Variants in CLDN10 observed in about 807,000 individuals in gnomAD.
CLDN10 encodes the protein claudin 10.
CLDN10 carries 15 observed loss-of-function variants against 22.9 expected under a neutral mutation model. That is an observed-to-expected ratio of 0.65 (90% CI 0.44 to 1.01). The LOEUF (loss-of-function observed/expected upper bound fraction) is 1.01, where lower values mean the gene tolerates loss of function less well. Among genes scored for constraint, CLDN10 ranks in the 50% least tolerant of loss-of-function variants. CLDN10 has a pLI of 0.00. For synonymous variants in CLDN10, 114 were observed against 111.4 expected, an observed-to-expected ratio of 1.02 and a Z score of -0.15; for missense variants, 247 against 287.8, an observed-to-expected ratio of 0.86 and a Z score of 1.03.
At chr13:95,437,450 A>G (rs554809744) in intron 1 of CLDN10, among the ~76,000 whole-genome samples, 1 of 152,298 alleles carries the variant, frequency 6.6e-6, no homozygotes, top group Non-Finnish European at 1.5e-5. Flanking sequence ...TTTCACTATG[A>G]AAGTAAAGCA....
At chr13:95,509,895 A>G (rs1336610028) in intron 1 of CLDN10, among the ~76,000 whole-genome samples, 1 of 152,224 alleles carries the variant, frequency 6.6e-6, no homozygotes, top group African/African-American at 2.4e-5. Context: ...CTGACTGTAA[A>G]ATGCACAGCT....
intron 1 of CLDN10, among the ~76,000 whole-genome samples, chr13:95,512,678 C>T (rs1424262783): frequency 1.3e-5 from 2 of 152,172 alleles, no homozygotes; most frequent in African/African-American, 2.4e-5. Context: ...CTCCTCTCTG[C>T]CACCTCCACC....
chr13:95,459,011 A>T (rs1339425214), intron 1 of CLDN10, among the ~76,000 whole-genome samples: 1 of 152,236 alleles, frequency 6.6e-6, no homozygotes, highest in Non-Finnish European at 1.5e-5. Flanking sequence ...TACAGACCCC[A>T]TGCAAGTCCA....
chr13:95,539,265 A>G (rs1243039394), intron 1 of CLDN10, among the ~76,000 whole-genome samples: 1 of 152,250 alleles, frequency 6.6e-6, no homozygotes, highest in African/African-American at 2.4e-5. Context: ...GTAAAAGTAG[A>G]GGGTACAAAG....
At chr13:95,509,401 T>C (rs1418554815) in intron 1 of CLDN10, among the ~76,000 whole-genome samples, 1 of 152,110 alleles carries the variant, frequency 6.6e-6, no homozygotes, top group Non-Finnish European at 1.5e-5. Flanking sequence ...GGAAATTGGC[T>C]GGGGGTCAGG....
chr13:95,440,886 G>C (rs1214540633), intron 1 of CLDN10, among the ~76,000 whole-genome samples: 1 of 152,236 alleles, frequency 6.6e-6, no homozygotes, highest in Non-Finnish European at 1.5e-5. Flanking sequence ...CGGTCAGAAT[G>C]ACCTCAATTG....
At chr13:95,530,798 TTC>T (rs1381813387) in intron 1 of CLDN10, among the ~76,000 whole-genome samples, 1 of 152,218 alleles carries the variant, frequency 6.6e-6, no homozygotes, top group Non-Finnish European at 1.5e-5. Context: ...AAGAATTATT[TTC>T]TTTCTTTACA....
chr13:95,473,878 G>A (rs556551262), intron 1 of CLDN10, among the ~76,000 whole-genome samples: 82 of 152,338 alleles, frequency 5.4e-4, no homozygotes, highest in African/African-American at 1.7e-3. Context: ...CCCTGAAGGG[G>A]CTCGCCCACA....
intron 1 of CLDN10, among the ~76,000 whole-genome samples, chr13:95,469,387 A>C (rs12867215): frequency 6.6e-6 from 1 of 152,190 alleles, no homozygotes; most frequent in Non-Finnish European, 1.5e-5. Flanking sequence ...TAGTAGGAGC[A>C]CATTGTTGCT....
chr13:95,560,074 A>T, intron 1 of CLDN10, 58 bp from the exon 2 acceptor site: 1 of 1,472,424 alleles, frequency 6.8e-7, no homozygotes, highest in South Asian at 1.3e-5. Flanking sequence ...TAAAATGAGG[A>T]TTTCTCCCTG....
chr13:95,542,122 A>G (rs1405224908), intron 1 of CLDN10, among the ~76,000 whole-genome samples: 2 of 152,160 alleles, frequency 1.3e-5, no homozygotes, highest in African/African-American at 2.4e-5. Context: ...AGTGCTACAC[A>G]TTTTTAAATG....
At chr13:95,445,040 T>G (rs571073092) in intron 1 of CLDN10, among the ~76,000 whole-genome samples, 1 of 152,334 alleles carries the variant, frequency 6.6e-6, no homozygotes, top group African/African-American at 2.4e-5. Flanking sequence ...CCTCCCAAAG[T>G]GCTGGGATTA....
chr13:95,505,302 G>A (rs1323919945), intron 1 of CLDN10, among the ~76,000 whole-genome samples: 1 of 152,152 alleles, frequency 6.6e-6, no homozygotes. Flanking sequence ...TGGAAATTTA[G>A]CAGAACCCAC....
intron 1 of CLDN10, among the ~76,000 whole-genome samples, chr13:95,506,196 G>A (rs1245040559): frequency 6.6e-6 from 1 of 152,084 alleles, no homozygotes; most frequent in African/African-American, 2.4e-5. Flanking sequence ...ATGGACTGGT[G>A]GAGAGATGTT....
intron 1 of CLDN10, among the ~76,000 whole-genome samples, chr13:95,531,619 C>T (rs1242021660): frequency 2.0e-5 from 3 of 152,012 alleles, no homozygotes; most frequent in African/African-American, 7.2e-5. Flanking sequence ...CAACCTCCAC[C>T]TCCTGGGTTC....
intron 1 of CLDN10, among the ~76,000 whole-genome samples, chr13:95,496,624 T>G (rs1413881647): frequency 6.6e-6 from 1 of 152,240 alleles, no homozygotes; most frequent in African/African-American, 2.4e-5. Flanking sequence ...CCTCCTGGCC[T>G]GCAGATGGCT....
At chr13:95,507,094 A>G (rs2043046052) in intron 1 of CLDN10, among the ~76,000 whole-genome samples, 1 of 152,232 alleles carries the variant, frequency 6.6e-6, no homozygotes, top group African/African-American at 2.4e-5. Flanking sequence ...AATTAAGAAT[A>G]AATATAGAAA....
chr13:95,557,051 C>T (rs183975871), intron 1 of CLDN10, among the ~76,000 whole-genome samples: 181 of 152,326 alleles, frequency 1.2e-3, no homozygotes, highest in African/African-American at 4.0e-3. Context: ...ACCACTTGAA[C>T]TTCAGCTGAG....
chr13:95,575,222 T>G (rs1341254410), intron 3 of CLDN10, among the ~76,000 whole-genome samples: 1 of 152,064 alleles, frequency 6.6e-6, no homozygotes, highest in Non-Finnish European at 1.5e-5. Context: ...CAGAGAAAAA[T>G]AGAAAGCGTT....
Sources: gnomAD v4.1 joint callset for allele counts (sites outside exome capture counted in the v4.1 genomes callset) on GRCh38, gnomAD v4.1.1 for gene constraint, MANE v1.5 for transcripts, NCBI Gene and HGNC (gene_info 2026-07-23, HGNC 2026-07-21) for gene names.